ZCCHC24: variants seen among roughly 807,000 people sequenced by gnomAD.
The protein encoded by ZCCHC24 is zinc finger CCHC domain-containing protein 24.
In ZCCHC24, 10 loss-of-function variants were observed where a neutral mutation model predicts 26.2. That is an observed-to-expected ratio of 0.38 (90% CI 0.24 to 0.65). The LOEUF (loss-of-function observed/expected upper bound fraction) is 0.65. Ranked by LOEUF, ZCCHC24 falls within the 30% of genes least tolerant of loss-of-function variation. ZCCHC24 has a pLI of 0.54. For synonymous variants in ZCCHC24, 144 were observed against 147.1 expected (o/e 0.98, Z 0.15); for missense variants, 243 against 329.1 (o/e 0.74, Z 2.03).
intron 2 of ZCCHC24, among the ~76,000 whole-genome samples, chr10:79,416,913 G>T (rs570430587): frequency 6.6e-6 from 1 of 152,180 alleles, no homozygotes; most frequent in Non-Finnish European, 1.5e-5. Context: ...CTCCCTGTGC[G>T]TGTAGCTGCT....
At chr10:79,416,290 G>A (rs943514491) in intron 2 of ZCCHC24, among the ~76,000 whole-genome samples, 3 of 152,296 alleles carry the variant, frequency 2.0e-5, no homozygotes, top group African/African-American at 4.8e-5. Context: ...ATTCAAGGTC[G>A]CCCACTTGGC....
intron 2 of ZCCHC24, among the ~76,000 whole-genome samples, chr10:79,395,263 A>C (rs933225328): frequency 2.0e-5 from 3 of 152,114 alleles, no homozygotes; most frequent in African/African-American, 7.2e-5. Flanking sequence ...ACATAACTAC[A>C]AATAGAGCTA....
At position 79,382,411 on chromosome 10, in the gene ZCCHC24, A is replaced by G. The variant is rs1029571631; in HGVS notation, c.*3934T>C. The G allele has an allele frequency of 6.5e-6, 1 of 152,846 alleles. No homozygotes were observed. Among genetic ancestry groups the G allele is most frequent in the Non-Finnish European group, 1.5e-5 (1 of 68,070 alleles). The allele number at this position is 152,846 out of a possible 1,614,324, so 9.5% of individuals were successfully genotyped here. ...TATACAGATTCTCCAGGAATAAGGCACACAACGGAATGCCATCCCAAGGGC... is the reference window on the plus strand; with the variant it reads ...TATACAGATTCTCCAGGAATAAGGCGCACAACGGAATGCCATCCCAAGGGC... On this transcript the variant is annotated 3_prime_UTR_variant, in exon 4 of 4. Transcript: ENST00000372336.
At chr10:79,423,106 G>A (rs1281174064) in intron 2 of ZCCHC24, among the ~76,000 whole-genome samples, 4 of 152,172 alleles carry the variant, frequency 2.6e-5, no homozygotes, top group African/African-American at 4.8e-5. Flanking sequence ...GTGGTAGTAC[G>A]TGAAGTTTTC....
At chr10:79,390,959 C>T (rs1856472178) in intron 3 of ZCCHC24, among the ~76,000 whole-genome samples, 1 of 152,202 alleles carries the variant, frequency 6.6e-6, no homozygotes. Flanking sequence ...AGGCTCCCGA[C>T]AGCTGGGGGA....
intron 2 of ZCCHC24, among the ~76,000 whole-genome samples, chr10:79,430,833 C>A (rs1857117088): frequency 6.6e-6 from 1 of 152,156 alleles, no homozygotes; most frequent in South Asian, 2.1e-4. Context: ...AGGCTACCAG[C>A]CCAGAGTAAG....
chr10:79,439,443 C>G (rs995668286), intron 1 of ZCCHC24, among the ~76,000 whole-genome samples: 9 of 152,126 alleles, frequency 5.9e-5, no homozygotes, highest in South Asian at 2.1e-4. Context: ...GGGGAGGTTA[C>G]AATTCAAGAC....
chr10:79,389,533 T>C (rs1856445245), intron 3 of ZCCHC24, among the ~76,000 whole-genome samples: 1 of 119,838 alleles, frequency 8.3e-6, no homozygotes, highest in Non-Finnish European at 1.8e-5. Context: ...TTTCCTAGTG[T>C]GTGTGTGTGT....
At chr10:79,392,216 C>T (rs1181381241) in intron 3 of ZCCHC24, among the ~76,000 whole-genome samples, 1 of 152,142 alleles carries the variant, frequency 6.6e-6, no homozygotes, top group Non-Finnish European at 1.5e-5. Context: ...CTGGCCTGCA[C>T]CTGCCAGGCG....
chr10:79,400,967 T>A (rs920163811), intron 2 of ZCCHC24, among the ~76,000 whole-genome samples: 3 of 152,260 alleles, frequency 2.0e-5, no homozygotes, highest in East Asian at 1.9e-4. Context: ...GAGTGAGTGA[T>A]CCTTTAGGGT....
chr10:79,398,878 C>A (rs533666177), intron 2 of ZCCHC24, among the ~76,000 whole-genome samples: 155 of 152,240 alleles, frequency 1.0e-3, no homozygotes, highest in African/African-American at 3.5e-3. Context: ...GAAACTGAGG[C>A]ACAGGGAAGG....
At chr10:79,429,421 A>G (rs942636797) in intron 2 of ZCCHC24, among the ~76,000 whole-genome samples, 1 of 152,116 alleles carries the variant, frequency 6.6e-6, no homozygotes, top group African/African-American at 2.4e-5. Flanking sequence ...ATCTGTATTA[A>G]AAACAGAAAA....
chr10:79,412,610 C>G (rs1856807574), intron 2 of ZCCHC24, among the ~76,000 whole-genome samples: 1 of 152,348 alleles, frequency 6.6e-6, no homozygotes, highest in East Asian at 1.9e-4. Flanking sequence ...AAATGTCTTT[C>G]TATTTCCCTG....
At chr10:79,424,026 A>G (rs797017160) in intron 2 of ZCCHC24, among the ~76,000 whole-genome samples, 54 of 149,510 alleles carry the variant, frequency 3.6e-4, no homozygotes, top group African/African-American at 1.2e-3. Context: ...TGAAAAAAAA[A>G]AAAAAAAAAG....
At chr10:79,392,308 G>A (rs1007191583) in intron 3 of ZCCHC24, among the ~76,000 whole-genome samples, 2 of 152,094 alleles carry the variant, frequency 1.3e-5, no homozygotes, top group African/African-American at 4.8e-5. Flanking sequence ...CCTGGGATGC[G>A]GCTGGGTGGT....
chr10:79,411,170 C>A (rs928193531), intron 2 of ZCCHC24, among the ~76,000 whole-genome samples: 6 of 152,190 alleles, frequency 3.9e-5, no homozygotes, highest in Non-Finnish European at 8.8e-5. Flanking sequence ...CGCCTATAAA[C>A]CTGTCATGTG....
intron 2 of ZCCHC24, among the ~76,000 whole-genome samples, chr10:79,401,016 C>G (rs887308842): frequency 6.6e-6 from 1 of 152,236 alleles, no homozygotes; most frequent in East Asian, 1.9e-4. Flanking sequence ...CAATGAGTCC[C>G]TTTTGCACAG....
At chr10:79,391,724 G>T (rs140611578) in intron 3 of ZCCHC24, among the ~76,000 whole-genome samples, 2 of 151,808 alleles carry the variant, frequency 1.3e-5, no homozygotes, top group East Asian at 3.9e-4. Context: ...CGGGCCCCCG[G>T]TCTACTGACC....
intron 3 of ZCCHC24, among the ~76,000 whole-genome samples, chr10:79,392,833 G>A (rs1342853145): frequency 6.6e-5 from 10 of 152,304 alleles, no homozygotes; most frequent in Admixed American, 5.9e-4. Flanking sequence ...CTCAAACCTT[G>A]GTTGTAGTTC....
Sources: allele counts gnomAD v4.1 joint callset (sites outside exome capture counted in the v4.1 genomes callset), GRCh38; gene constraint gnomAD v4.1.1; transcripts MANE v1.5; gene names NCBI Gene and HGNC (gene_info 2026-07-23, HGNC 2026-07-21).